The following DPP6 variants were observed in gnomAD, a reference collection of about 807,000 sequenced individuals.
DPP6 encodes dipeptidyl peptidase like 6, also known as A-type potassium channel modulatory protein DPP6.
A neutral mutation model predicts 122.6 loss-of-function variants in DPP6; 69 were observed. That is an observed-to-expected ratio of 0.56 (90% CI 0.46 to 0.69). The LOEUF (loss-of-function observed/expected upper bound fraction) is 0.69, where lower values mean the gene tolerates loss of function less well. Among genes scored for constraint, DPP6 ranks in the 30% least tolerant of loss-of-function variants. The pLI is 0.00. For missense variants in DPP6, 928 were observed against 1,116.9 expected (o/e 0.83, Z 2.41); for synonymous variants, 418 against 433.1 (o/e 0.97, Z 0.43).
At chr7:154,311,913 A>T (rs1353004539) in intron 1 of DPP6, among the ~76,000 whole-genome samples, 1 of 152,228 alleles carries the variant, frequency 6.6e-6, no homozygotes, top group Admixed American at 6.5e-5. Context: ...GGTGGGTGTC[A>T]TGCAGTACTT....
At chr7:153,818,180 G>C in the DPP6 span, among the ~76,000 whole-genome samples, 1 of 151,712 alleles carries the variant, frequency 6.6e-6, no homozygotes. Context: ...AACTTTATTC[G>C]TAACCAAGAA....
At chr7:154,552,386 G>A (rs1192330016) in intron 4 of DPP6, among the ~76,000 whole-genome samples, 1 of 152,158 alleles carries the variant, frequency 6.6e-6, no homozygotes, top group Admixed American at 6.5e-5. Context: ...TACTCGTTCT[G>A]AGAAAGACAT....
chr7:154,404,134 G>T (rs182876509), intron 1 of DPP6, among the ~76,000 whole-genome samples: 1 of 152,258 alleles, frequency 6.6e-6, no homozygotes, highest in East Asian at 1.9e-4. Flanking sequence ...GAAGTGATGG[G>T]TGACCACTCT....
chr7:154,579,938 C>A (rs1215400549), intron 5 of DPP6, among the ~76,000 whole-genome samples: 1 of 152,054 alleles, frequency 6.6e-6, no homozygotes, highest in African/African-American at 2.4e-5. Context: ...GGAACAAAAT[C>A]TTTAAAAGAG....
chr7:154,383,646 T>C (rs139460476), intron 1 of DPP6, among the ~76,000 whole-genome samples: 13,280 of 152,164 alleles, frequency 0.087, 656 homozygotes, highest in African/African-American at 0.11. Context: ...TCCCAGCATT[T>C]TGGGAGGCTG....
At chr7:154,321,717 G>A (rs1452497247) in intron 1 of DPP6, among the ~76,000 whole-genome samples, 2 of 150,108 alleles carry the variant, frequency 1.3e-5, no homozygotes, top group Non-Finnish European at 1.5e-5. Flanking sequence ...CCCAGAAGGC[G>A]GAGGTTGCAG....
intron 1 of DPP6, among the ~76,000 whole-genome samples, chr7:153,978,890 C>G (rs1485603183): frequency 6.6e-6 from 1 of 152,004 alleles, no homozygotes; most frequent in Non-Finnish European, 1.5e-5. Flanking sequence ...GGCCTCTGTT[C>G]TGCTTCATTG....
chr7:154,215,725 G>C (rs1038929394), intron 1 of DPP6, among the ~76,000 whole-genome samples: 4 of 152,040 alleles, frequency 2.6e-5, no homozygotes, highest in African/African-American at 9.7e-5. Flanking sequence ...GGCTGGCCCA[G>C]AATCAACATG....
chr7:154,019,795 C>CAA, intron 1 of DPP6, among the ~76,000 whole-genome samples: 1 of 152,182 alleles, frequency 6.6e-6, no homozygotes, highest in East Asian at 1.9e-4. Flanking sequence ...ACTTATGCCC[C>CAA]AACCTTTGTA....
intron 1 of DPP6, among the ~76,000 whole-genome samples, chr7:153,903,470 C>G (rs1426820695): frequency 1.3e-5 from 2 of 152,166 alleles, no homozygotes; most frequent in African/African-American, 4.8e-5. Flanking sequence ...CAAAGAAGTT[C>G]AATGAGAAAA....
chr7:154,104,090 A>G (rs1369144268), intron 1 of DPP6, among the ~76,000 whole-genome samples: 1 of 152,166 alleles, frequency 6.6e-6, no homozygotes, highest in Non-Finnish European at 1.5e-5. Flanking sequence ...GAGATTCCTG[A>G]CCAATACGGT....
intron 8 of DPP6, among the ~76,000 whole-genome samples, chr7:154,738,564 G>C (rs1169204370): frequency 1.3e-5 from 2 of 152,208 alleles, no homozygotes; most frequent in African/African-American, 4.8e-5. Context: ...ACCTTTCTTA[G>C]ATGAAAAATT....
intron 1 of DPP6, among the ~76,000 whole-genome samples, chr7:154,104,866 T>TC (rs1435107953): frequency 6.6e-6 from 1 of 151,896 alleles, no homozygotes; most frequent in Non-Finnish European, 1.5e-5. Context: ...CATACCTCTG[T>TC]GTGTGTGCCT....
Position 154,696,190 on chromosome 7 carries a change from G to T in DPP6, c.762+26749G>T, listed in dbSNP as rs115024828. On this transcript the variant is annotated intron_variant, in intron 7 of 25. Coordinates refer to ENST00000377770, the MANE Select transcript of DPP6 (RefSeq NM_130797.4). The stretch of plus-strand genomic sequence containing the variant: ...TGTGTCTGAATGAGCGGAAGCTTCC[G>T]TTCTGTGAGAGCTCTGGGCTTTTGT... 9.5e-3 allele frequency among the ~76,000 whole-genome samples: 1,443 copies of T among 152,330 alleles called. 21 individuals carry two copies. Among genetic ancestry groups the T allele is most frequent in the African/African-American group, 0.033 (1,361 of 41,574 alleles).
chr7:154,506,963 G>T (rs1825714082), intron 3 of DPP6, among the ~76,000 whole-genome samples: 1 of 152,152 alleles, frequency 6.6e-6, no homozygotes, highest in Admixed American at 6.5e-5. Flanking sequence ...TTTTCCGAGA[G>T]CCTGGAAATT....
At chr7:153,768,494 G>A in the DPP6 span, among the ~76,000 whole-genome samples, 2 of 152,072 alleles carry the variant, frequency 1.3e-5, no homozygotes, top group African/African-American at 2.4e-5. Flanking sequence ...TTTCAAGGCA[G>A]TTGTGCTGGT....
intron 10 of DPP6, among the ~76,000 whole-genome samples, chr7:154,781,113 G>A (rs1796999586): frequency 6.6e-6 from 1 of 151,966 alleles, no homozygotes; most frequent in South Asian, 2.1e-4. Flanking sequence ...ATGGATGAAT[G>A]GGTGGATAGA....
rs1240308485 is a variant in DPP6 at position 154,224,624 on chromosome 7, A to G, written c.243+171561A>G. On this transcript the variant is annotated intron_variant, in intron 1 of 25. Transcript: ENST00000377770. ...ATACCATATGTGGTGAACATTTCCA[A>G]ATTCCTTAACTGTGTGACACTTCAT... 2.7e-5 allele frequency among the ~76,000 whole-genome samples: 4 copies of G among 149,322 alleles called. No homozygotes were observed. The East Asian group carries it at 5.8e-4, about 22-fold the overall frequency.
Position 154,584,784 on chromosome 7 carries a change from C to T in DPP6, c.627+17868C>T, listed in dbSNP as rs114673244. Among the ~76,000 whole-genome samples the T allele has an allele frequency of 4.3e-3, 656 of 152,302 alleles. 7 individuals carry two copies. The highest frequency in any genetic ancestry group is 0.015 in the African/African-American group (609 of 41,564). ...AAACCTGCTTTGCAGCCAGTCGCTA[C>T]GATTACTCAGCTCAGAAAGCATGCA... On this transcript the variant is annotated intron_variant, in intron 5 of 25. Coordinates refer to ENST00000377770, the MANE Select transcript of DPP6 (RefSeq NM_130797.4).
Sources: allele counts gnomAD v4.1 joint callset (sites outside exome capture counted in the v4.1 genomes callset), GRCh38; gene constraint gnomAD v4.1.1; transcripts MANE v1.5; gene names NCBI Gene and HGNC (gene_info 2026-07-23, HGNC 2026-07-21).